The following AGAP3 variants were observed in gnomAD, a reference collection of about 807,000 sequenced individuals.
AGAP3 encodes arf-GAP with GTPase, ANK repeat and PH domain-containing protein 3.
A neutral mutation model predicts 96.9 loss-of-function variants in AGAP3; 24 were observed. The ratio of observed to expected loss-of-function variants is 0.25; its 90% CI spans 0.18 to 0.35. AGAP3 has a LOEUF of 0.35. Ranked by LOEUF, AGAP3 falls within the 10% of genes least tolerant of loss-of-function variation. AGAP3 has a pLI of 1.00. For missense variants in AGAP3, 876 were observed against 1,254.2 expected, an observed-to-expected ratio of 0.70 and a Z score of 4.55; for synonymous variants, 563 against 536.1, an observed-to-expected ratio of 1.05 and a Z score of -0.69.
rs1350743954 is a variant in AGAP3, at chr7:151,117,201, G to C, written c.478+19G>C. 1 of 1,609,562 alleles carries C rather than the reference G, an allele frequency of 6.2e-7. No individual in the cohort carries two copies. The highest frequency in any genetic ancestry group is 1.3e-5 in the African/African-American group (1 of 74,840). On this transcript the variant is annotated intron_variant, in intron 3 of 17. Coordinates refer to ENST00000397238, the MANE Select transcript of AGAP3 (RefSeq NM_031946.7). Reference sequence around the variant, plus strand: ...CCTGAAGGTGAGCGTCACAGGCCCAGCCTGGGCCCTGAGGCCGGCCACTCC... The same window carrying C: ...CCTGAAGGTGAGCGTCACAGGCCCACCCTGGGCCCTGAGGCCGGCCACTCC...
intron 8 of AGAP3, chr7:151,123,104 C>G: frequency 2.6e-6 from 3 of 1,144,662 alleles, no homozygotes; most frequent in South Asian, 5.8e-5. Context: ...GCCCGCCCGG[C>G]CCGGCTGCTC....
chr7:151,139,849 CCG>C lies in AGAP3; in HGVS notation c.1667-129_1667-128del. The stretch of plus-strand genomic sequence containing the variant: ...GCAGACCTCGCCTAGAGAGAGGTGT[CCG>C]TCTGGCTCTCCTGAGTGTGGCCCAG... On this transcript the variant is annotated intron_variant, in intron 12 of 17. Coordinates refer to ENST00000397238, the MANE Select transcript of AGAP3 (RefSeq NM_031946.7). This position sits in a 1 kb window ranked among gnomAD's most constrained non-coding sequence, Gnocchi z 4.9. 2 of 876,296 alleles carry C rather than the reference CCG, an allele frequency of 2.3e-6. No homozygotes were observed. Among genetic ancestry groups the C allele is most frequent in the Non-Finnish European group, 3.1e-6 (2 of 637,292 alleles). 54.3% of individuals were successfully genotyped at this position (876,296 alleles called of 1,614,324 possible).
At chr7:151,116,058 G>A (rs987171025) in intron 1 of AGAP3, among the ~76,000 whole-genome samples, 1 of 152,236 alleles carries the variant, frequency 6.6e-6, no homozygotes, top group African/African-American at 2.4e-5. Flanking sequence ...TGCCCAGCTA[G>A]AGAGGGGTTC....
At chr7:151,138,363 G>A in intron 12 of AGAP3, 50 bp downstream of exon 12, 1 of 1,547,832 alleles carries the variant, frequency 6.5e-7, no homozygotes, top group South Asian at 1.2e-5. Context: ...CCCAGTGACA[G>A]AGAGGAGGGG....
At chr7:151,115,852 GGAA>G (rs1563468359) in intron 1 of AGAP3, among the ~76,000 whole-genome samples, 1 of 152,208 alleles carries the variant, frequency 6.6e-6, no homozygotes, top group Non-Finnish European at 1.5e-5. Context: ...GCCCAGGAAA[GGAA>G]GAGGAGACTC....
chr7:151,123,358 G>A (rs1800007135), intron 8 of AGAP3: 1 of 1,042,924 alleles, frequency 9.6e-7, no homozygotes, highest in Non-Finnish European at 1.2e-6. Flanking sequence ...GGGCCACGCC[G>A]ACGCGCTCGG....
chr7:151,143,242 T>TC lies in AGAP3; in HGVS notation c.2274-94dup. On this transcript the variant is annotated intron_variant, in intron 16 of 17. Coordinates refer to ENST00000397238, the MANE Select transcript of AGAP3 (RefSeq NM_031946.7). The surrounding 1 kb of genome is among the most constrained non-coding windows in gnomAD (Gnocchi z 5.9). ...TCTTCTCTCACTGTTTCTTCCTTGT[T>TC]CCCCCGGGTGCTCGCTTCCTTTCCT... 8.4e-6 allele frequency: 12 copies of TC among 1,421,792 alleles called. No individual in the cohort carries two copies. Among genetic ancestry groups the TC allele is most frequent in the Middle Eastern group, 1.9e-4 (1 of 5,134 alleles). 88.1% of individuals were successfully genotyped at this position (1,421,792 alleles called of 1,614,324 possible). A position where few individuals can be genotyped will look rare whatever the true frequency, so the allele number is the denominator to read the frequency against.
At chr7:151,117,501 C>T (rs759301175) in intron 4 of AGAP3, 45 bp downstream of exon 4, 27 of 1,613,410 alleles carry the variant, frequency 1.7e-5, no homozygotes, top group Non-Finnish European at 2.5e-6. Context: ...GTGCCTGGAG[C>T]CCTTTCTCGA....
At chr7:151,123,404 G>A in intron 8 of AGAP3, 1 of 1,082,276 alleles carries the variant, frequency 9.2e-7, no homozygotes, top group South Asian at 2.9e-5. Context: ...CCGCAGACGG[G>A]CCATCTGCCC....
chr7:151,096,514 C>T lies in AGAP3; in HGVS notation c.331+9442C>T, dbSNP rs1014788901. Among the ~76,000 whole-genome samples the T allele has an allele frequency of 6.6e-6, 1 of 151,846 alleles. No individual in the cohort carries two copies. The highest frequency in any genetic ancestry group is 1.5e-5 in the Non-Finnish European group (1 of 67,940). On this transcript the variant is annotated intron_variant, in intron 1 of 17. Coordinates refer to ENST00000397238, the MANE Select transcript of AGAP3 (RefSeq NM_031946.7). This position sits in a 1 kb window ranked among gnomAD's most constrained non-coding sequence, Gnocchi z 4.4. ...TTGAGGTGGAGTCTCGCTCTGTCGCCCAGGCTGGAGTGCAGTGGCGCGATC... is the reference window on the plus strand; with the variant it reads ...TTGAGGTGGAGTCTCGCTCTGTCGCTCAGGCTGGAGTGCAGTGGCGCGATC...
Position 151,105,792 on chromosome 7 carries a change from CCACACACACACACA to C in AGAP3, c.332-10974_332-10961del, listed in dbSNP as rs60071807. Reference sequence around the variant, plus strand: ...CTCCATTCCGCCCCCCCCCCCGACACCACACACACACACACACACACACACACACACACACACAC... The same window carrying C: ...CTCCATTCCGCCCCCCCCCCCGACACCACACACACACACACACACACACAC... On this transcript the variant is annotated intron_variant, in intron 1 of 17. Transcript: ENST00000397238. Among the ~76,000 whole-genome samples, 9 of 26,926 alleles carry C rather than the reference CCACACACACACACA, an allele frequency of 3.3e-4. 1 individual carries two copies. The highest frequency in any genetic ancestry group is 1.9e-3 in the South Asian group (1 of 518). The allele number at this position is 26,926 out of a possible 152,430, so 17.7% of individuals were successfully genotyped here.
chr7:151,109,175 AAAAAACAAAAAAC>A (rs1383353073), intron 1 of AGAP3, among the ~76,000 whole-genome samples: 1 of 135,600 alleles, frequency 7.4e-6, no homozygotes, highest in Non-Finnish European at 1.5e-5. Context: ...TAAAAAAAAA[AAAAAACAAAAAAC>A]AAAAAACAAA....
At chr7:151,134,669 G>T in intron 11 of AGAP3, 101 bp downstream of exon 11, 1 of 1,241,610 alleles carries the variant, frequency 8.1e-7, no homozygotes, top group South Asian at 1.4e-5. Flanking sequence ...GGCACAGGGT[G>T]CTGGCCAGCA....
At chr7:151,137,127 C>T (rs1233792586) in intron 11 of AGAP3, among the ~76,000 whole-genome samples, 1 of 152,262 alleles carries the variant, frequency 6.6e-6, no homozygotes, top group Non-Finnish European at 1.5e-5. Context: ...CTTTACCTTC[C>T]AGCTGCTGCA....
chr7:151,086,910 C>G lies in AGAP3; in HGVS notation c.169C>G (p.Pro57Ala). 6.7e-7 allele frequency: 1 copy of G among 1,497,888 alleles called. No individual in the cohort carries two copies. Among genetic ancestry groups the G allele is most frequent in the Non-Finnish European group, 8.9e-7 (1 of 1,119,480 alleles). The allele number at this position is 1,497,888 out of a possible 1,614,324, so 92.8% of individuals were successfully genotyped here. A position where few individuals can be genotyped will look rare whatever the true frequency, so the allele number is the denominator to read the frequency against. The change falls in exon 1 of 18, where the codon CCC (proline) becomes GCC (alanine). Residue 57 changes from proline (P) to alanine (A), a missense_variant. Physicochemically the swap from Pro to Ala is conservative, Grantham distance 27. Transcript: ENST00000397238. ...CCCCTCGCAGCAGCTGGCCGGCGGG[C>G]CCCCCCAGCAGTTCGCGCTCTCCAA... is the stretch of plus-strand genomic sequence containing the variant. The part of the protein sequence containing the change: ...GGPSQQLAGG[P>A]PQQFALSNSA...
At chr7:151,097,035 T>C (rs1036281744) in intron 1 of AGAP3, among the ~76,000 whole-genome samples, 8 of 151,532 alleles carry the variant, frequency 5.3e-5, no homozygotes, top group Non-Finnish European at 1.2e-4. Context: ...TCTGCCTACG[T>C]TGGCCTCCCA....
At chr7:151,123,652 C>T (rs1427836254) in intron 8 of AGAP3, 142 bp from the exon 9 acceptor site, 1 of 1,503,274 alleles carries the variant, frequency 6.7e-7, no homozygotes, top group Non-Finnish European at 8.9e-7. Flanking sequence ...GGTCTCAGTT[C>T]CTTCCCGTCC....
intron 8 of AGAP3, among the ~76,000 whole-genome samples, chr7:151,121,207 C>A (rs1799871522): frequency 1.3e-5 from 2 of 152,224 alleles, no homozygotes; most frequent in Non-Finnish European, 2.9e-5. Flanking sequence ...GAGCCCGCCA[C>A]CTGCCCTCGC....
intron 1 of AGAP3, among the ~76,000 whole-genome samples, chr7:151,109,419 G>A (rs949088699): frequency 6.6e-6 from 1 of 152,174 alleles, no homozygotes; most frequent in Non-Finnish European, 1.5e-5. Flanking sequence ...GCAAGGCCAC[G>A]CCCCCTCTGA....
Sources: allele counts gnomAD v4.1 joint callset (sites outside exome capture counted in the v4.1 genomes callset), GRCh38; gene constraint gnomAD v4.1.1; non-coding constraint Gnocchi (gnomAD v3.1); transcripts MANE v1.5; gene names NCBI Gene and HGNC (gene_info 2026-07-23, HGNC 2026-07-21).